Variants in ATOSA observed in about 807,000 individuals in gnomAD.
The protein encoded by ATOSA is atos homolog protein A.
chr15:52,625,567 C>A, the ATOSA span, among the ~76,000 whole-genome samples: 3 of 152,140 alleles, frequency 2.0e-5, no homozygotes, highest in Non-Finnish European at 4.4e-5. Flanking sequence ...CACAGACTGA[C>A]TTTTAAAAGC....
the ATOSA span, chr15:52,677,926 G>T: frequency 1.3e-5 from 20 of 1,547,352 alleles, no homozygotes; most frequent in Admixed American, 2.3e-4. Context: ...TCCTACTGCA[G>T]AATTAGGTTA....
chr15:52,633,459 G>C, the ATOSA span, among the ~76,000 whole-genome samples: 2 of 152,158 alleles, frequency 1.3e-5, no homozygotes, highest in Non-Finnish European at 2.9e-5. Context: ...TCTGGAGCAA[G>C]TTTCCAGGCT....
the ATOSA span, among the ~76,000 whole-genome samples, chr15:52,676,938 CACTT>C: frequency 6.6e-6 from 1 of 152,296 alleles, no homozygotes; most frequent in African/African-American, 2.4e-5. Flanking sequence ...AGGAGCAATA[CACTT>C]ACTAATACTT....
chr15:52,704,454 T>G, the ATOSA span, among the ~76,000 whole-genome samples: 2 of 152,154 alleles, frequency 1.3e-5, no homozygotes, highest in Non-Finnish European at 2.9e-5. Context: ...GGGCAAAGGC[T>G]TAACGACTAA....
chr15:52,664,632 T>C, the ATOSA span, among the ~76,000 whole-genome samples: 1 of 152,180 alleles, frequency 6.6e-6, no homozygotes, highest in South Asian at 2.1e-4. Flanking sequence ...CAACAATTCC[T>C]GAAAGTCAAA....
At chr15:52,628,170 T>C in the ATOSA span, among the ~76,000 whole-genome samples, 1 of 152,126 alleles carries the variant, frequency 6.6e-6, no homozygotes, top group Non-Finnish European at 1.5e-5. Context: ...TCTGCAGACA[T>C]TGTATCAGGC....
chr15:52,608,559 GTTAC>G, the ATOSA span: 2 of 1,545,256 alleles, frequency 1.3e-6, no homozygotes, highest in Non-Finnish European at 8.7e-7. Context: ...CATATTAGAT[GTTAC>G]TTACCAATAC....
At chr15:52,650,677 T>C in the ATOSA span, among the ~76,000 whole-genome samples, 1 of 152,194 alleles carries the variant, frequency 6.6e-6, no homozygotes, top group Non-Finnish European at 1.5e-5. Context: ...ACCCATCCTA[T>C]TCCAAACTAT....
chr15:52,668,460 T>C, the ATOSA span, among the ~76,000 whole-genome samples: 1 of 152,108 alleles, frequency 6.6e-6, no homozygotes, highest in Admixed American at 6.5e-5. Flanking sequence ...TACAGTTAGA[T>C]AGGAGGAATA....
chr15:52,662,864 A>G, the ATOSA span, among the ~76,000 whole-genome samples: 1 of 152,126 alleles, frequency 6.6e-6, no homozygotes, highest in Non-Finnish European at 1.5e-5. Flanking sequence ...AATCCTTCAT[A>G]TATTATAAAC....
At chr15:52,628,710 T>A in the ATOSA span, among the ~76,000 whole-genome samples, 4 of 152,234 alleles carry the variant, frequency 2.6e-5, no homozygotes, top group Non-Finnish European at 5.9e-5. Flanking sequence ...AAAGCTTACA[T>A]GACAAAGAAA....
At chr15:52,658,935 C>G in the ATOSA span, 1 of 394,856 alleles carries the variant, frequency 2.5e-6, no homozygotes, top group South Asian at 1.4e-4. Flanking sequence ...CAGTGAGCCA[C>G]GATTAAGCCA....
chr15:52,699,249 T>C, the ATOSA span, among the ~76,000 whole-genome samples: 2 of 152,098 alleles, frequency 1.3e-5, no homozygotes, highest in Non-Finnish European at 2.9e-5. Context: ...TGTCTGTGCC[T>C]TCACAGTGGT....
the ATOSA span, among the ~76,000 whole-genome samples, chr15:52,692,981 C>T: frequency 6.6e-6 from 1 of 152,164 alleles, no homozygotes; most frequent in Non-Finnish European, 1.5e-5. Flanking sequence ...TTTACCAAAC[C>T]TTATAGTAAG....
the ATOSA span, among the ~76,000 whole-genome samples, chr15:52,701,677 A>C: frequency 1.3e-5 from 2 of 152,222 alleles, no homozygotes. Flanking sequence ...CCTAACTACG[A>C]TTCAAAATTC....
At chr15:52,627,864 T>G in the ATOSA span, among the ~76,000 whole-genome samples, 1 of 152,180 alleles carries the variant, frequency 6.6e-6, no homozygotes, top group Non-Finnish European at 1.5e-5. Context: ...AATAGCCAAT[T>G]CTGCCATCTG....
At chr15:52,685,384 A>C in the ATOSA span, among the ~76,000 whole-genome samples, 1 of 151,958 alleles carries the variant, frequency 6.6e-6, no homozygotes, top group African/African-American at 2.4e-5. Flanking sequence ...AATGGTGAAC[A>C]ACCCTTCTGA....
chr15:52,616,429 CTTCT>C, the ATOSA span, among the ~76,000 whole-genome samples: 1 of 152,176 alleles, frequency 6.6e-6, no homozygotes, highest in Non-Finnish European at 1.5e-5. Context: ...CACCGGCAGC[CTTCT>C]TTAAGTTGTG....
At chr15:52,638,559 G>A in the ATOSA span, among the ~76,000 whole-genome samples, 1 of 151,964 alleles carries the variant, frequency 6.6e-6, no homozygotes, top group Admixed American at 6.6e-5. Context: ...CTGGGCATGA[G>A]GCATGGTGGT....
Sources: allele counts gnomAD v4.1 joint callset (sites outside exome capture counted in the v4.1 genomes callset), GRCh38; gene constraint gnomAD v4.1.1; transcripts MANE v1.5; gene names NCBI Gene and HGNC (gene_info 2026-07-23, HGNC 2026-07-21).